ARHGEF26: variants seen among roughly 807,000 people sequenced by gnomAD.
ARHGEF26 encodes Rho guanine nucleotide exchange factor (GEF) 26.
Under a neutral mutation model 89.4 loss-of-function variants are expected in ARHGEF26, and 59 were observed. That is an observed-to-expected ratio of 0.66 (90% confidence interval 0.54 to 0.82). ARHGEF26 has a LOEUF of 0.82. ARHGEF26 is among the 40% of genes least tolerant of loss of function. The probability of loss-of-function intolerance (pLI) is 0.00; values close to 1 mark genes in which losing one functional copy is unlikely to be tolerated. For missense variants in ARHGEF26, 1,234 were observed against 1,085.6 expected, an observed-to-expected ratio of 1.14 and a Z score of -1.92; for synonymous variants, 500 against 428.4, an observed-to-expected ratio of 1.17 and a Z score of -2.06.
chr3:154,204,437 C>T (rs558795762), intron 9 of ARHGEF26, among the ~76,000 whole-genome samples: 4 of 148,204 alleles, frequency 2.7e-5, no homozygotes, highest in Non-Finnish European at 4.4e-5. Context: ...TGAGTACAGG[C>T]GTATCTCATG....
rs1715703959 is a variant in ARHGEF26, at chr3:154,216,019, G to GA, written c.1846-1843dup. Among the ~76,000 whole-genome samples, 5 of 152,086 alleles carry GA rather than the reference G, an allele frequency of 3.3e-5. No individual in the cohort carries two copies. In the South Asian group the frequency reaches 1.0e-3, roughly 32 times the overall value. On this transcript the variant is annotated intron_variant, in intron 9 of 14. Coordinates refer to ENST00000465093, the MANE Select transcript of ARHGEF26 (RefSeq NM_015595.4). The stretch of plus-strand genomic sequence containing the variant: ...ATTTATATGTTCATATATAACATAG[G>GA]AAAAAAAGAGAAAGTGTATGACCCA...
intron 6 of ARHGEF26, among the ~76,000 whole-genome samples, chr3:154,171,629 G>T (rs1263731735): frequency 6.6e-6 from 1 of 151,986 alleles, no homozygotes; most frequent in African/African-American, 2.4e-5. Context: ...TTTGTCCCTT[G>T]TCCCACATAG....
intron 10 of ARHGEF26, among the ~76,000 whole-genome samples, chr3:154,219,710 G>A (rs890536327): frequency 9.9e-5 from 15 of 151,800 alleles, no homozygotes; most frequent in South Asian, 2.1e-4. Flanking sequence ...TCAGGAGATC[G>A]AGACCATCCT....
chr3:154,137,813 T>TAAA (rs35590555), intron 4 of ARHGEF26, among the ~76,000 whole-genome samples: 1 of 139,358 alleles, frequency 7.2e-6, no homozygotes. Flanking sequence ...CCCTATCTCT[T>TAAA]AAAAAAAAAA....
Position 154,186,886 on chromosome 3 carries a change from CTTTTTTTTTTTT to C in ARHGEF26, c.1488-782_1488-771del, listed in dbSNP as rs201150057. On this transcript the variant is annotated intron_variant, in intron 6 of 14. Transcript: ENST00000465093. The stretch of plus-strand genomic sequence containing the variant: ...CATATACTGTTAGATTTATTTCAGA[CTTTTTTTTTTTT>C]TTTTTTTTTTTTTTTTGAGACGGAG... 6.2e-3 allele frequency among the ~76,000 whole-genome samples: 511 copies of C among 82,084 alleles called. 4 individuals carry two copies. The highest frequency in any genetic ancestry group is 9.3e-3 in the Non-Finnish European group (393 of 42,260). The allele number at this position is 82,084 out of a possible 152,430, so 53.9% of individuals were successfully genotyped here.
chr3:154,240,616 A>G (rs1190602632), intron 12 of ARHGEF26, 37 bp downstream of exon 12: 1 of 1,539,996 alleles, frequency 6.5e-7, no homozygotes, highest in Non-Finnish European at 8.8e-7. Flanking sequence ...AATAGCTGAT[A>G]GTATCTCCCT....
At chr3:154,228,139 T>G (rs1716601906) in intron 11 of ARHGEF26, among the ~76,000 whole-genome samples, 1 of 151,212 alleles carries the variant, frequency 6.6e-6, no homozygotes, top group South Asian at 2.1e-4. Context: ...TTTGAGAATT[T>G]TTTTTTTTTT....
chr3:154,241,592 A>G (rs1052753737), intron 12 of ARHGEF26, among the ~76,000 whole-genome samples: 1 of 152,260 alleles, frequency 6.6e-6, no homozygotes, highest in Non-Finnish European at 1.5e-5. Flanking sequence ...CCTTTATGCA[A>G]GGTCATCTTA....
rs770624898 is a variant in ARHGEF26, at chr3:154,122,855, C to T, written c.863C>T (p.Pro288Leu). 3.1e-6 allele frequency: 5 copies of T among 1,612,890 alleles called. No individual in the cohort carries two copies. The highest frequency in any genetic ancestry group is 2.5e-6 in the Non-Finnish European group (3 of 1,179,432). ...AGCATGGTGGAGGGCCTAGGAGGAC[C>T]CCTGGGTCACGCAGGGGAGGAGAGT... The part of the protein sequence containing the change: ...VRSMVEGLGG[P>L]LGHAGEESEV... The change falls in exon 2 of 15, where the codon CCC (proline) becomes CTC (leucine). Residue 288 changes from proline to leucine, a missense_variant. Coordinates refer to ENST00000465093, the MANE Select transcript of ARHGEF26 (RefSeq NM_015595.4).
chr3:154,239,261 GGAGAGA>G (rs869046214), intron 11 of ARHGEF26, among the ~76,000 whole-genome samples: 35 of 105,644 alleles, frequency 3.3e-4, no homozygotes, highest in Admixed American at 5.4e-4. Flanking sequence ...AGAGAGAGAG[GGAGAGA>G]GAGAGAGAGA....
At position 154,225,988 on chromosome 3, in the gene ARHGEF26, C is replaced by G. The variant is rs755017593; in HGVS notation, c.2068C>G (p.Leu690Val). The G allele has an allele frequency of 1.5e-5, 24 of 1,610,896 alleles. No homozygotes were observed. In the South Asian group the frequency reaches 2.7e-4, roughly 18 times the overall value. ...QVYFFLFNDVLIITKKKSEES... is the reference protein window; with the variant it reads ...QVYFFLFNDVVIITKKKSEES... Reference sequence around the variant, plus strand: ...CTACTTCTTTCTCTTTAACGATGTGCTCATTATCACCAAGAAGAAGAGGTA... The same window carrying G: ...CTACTTCTTTCTCTTTAACGATGTGGTCATTATCACCAAGAAGAAGAGGTA... The change falls in exon 11 of 15, where the codon CTC becomes GTC. Residue 690 changes from leucine to valine, a missense_variant. Physicochemically the swap from Leu to Val is conservative, Grantham distance 32. Transcript: ENST00000465093.
intron 9 of ARHGEF26, among the ~76,000 whole-genome samples, chr3:154,201,651 C>A (rs1164206657): frequency 6.6e-6 from 1 of 150,494 alleles, no homozygotes; most frequent in Admixed American, 6.6e-5. Flanking sequence ...TTCTCCACAT[C>A]CTCTCCAGCA....
chr3:154,169,542 C>T (rs930024214), intron 6 of ARHGEF26, among the ~76,000 whole-genome samples: 1 of 152,038 alleles, frequency 6.6e-6, no homozygotes, highest in Non-Finnish European at 1.5e-5. Context: ...AAAGTGATCC[C>T]AAAGCATCGT....
chr3:154,244,352 TACG>T (rs1240302519), intron 12 of ARHGEF26, among the ~76,000 whole-genome samples: 2 of 152,106 alleles, frequency 1.3e-5, no homozygotes, highest in African/African-American at 2.4e-5. Context: ...TGGCTTTGAT[TACG>T]TAAAGAATGC....
In ARHGEF26 at chr3:154,170,809, G is replaced by T. The variant is rs1013694376; in HGVS notation, c.1488-16876G>T. ...CCCAGGATAATTTTAGTTGTGATTA[G>T]CTGCCCCTTTCATTCTCAAAAGATA... On this transcript the variant is annotated intron_variant, in intron 6 of 14. Coordinates refer to ENST00000465093, the MANE Select transcript of ARHGEF26 (RefSeq NM_015595.4). Among the ~76,000 whole-genome samples the T allele has an allele frequency of 3.9e-5, 6 of 152,250 alleles. No individual in the cohort carries two copies. The South Asian group carries it at 1.2e-3, about 32-fold the overall frequency.
chr3:154,196,969 AT>A (rs1000541085), intron 9 of ARHGEF26, among the ~76,000 whole-genome samples: 60 of 152,198 alleles, frequency 3.9e-4, no homozygotes, highest in African/African-American at 1.3e-3. Flanking sequence ...ATGTTACTTA[AT>A]TTTTTTCAAG....
At chr3:154,131,823 GC>G (rs1718698910) in intron 4 of ARHGEF26, among the ~76,000 whole-genome samples, 2 of 152,136 alleles carry the variant, frequency 1.3e-5, no homozygotes, top group South Asian at 4.1e-4. Flanking sequence ...CTGGAGTTTG[GC>G]TTTCATATAC....
chr3:154,253,747 T>C (rs1441238658), intron 13 of ARHGEF26, among the ~76,000 whole-genome samples: 1 of 152,154 alleles, frequency 6.6e-6, no homozygotes, highest in Non-Finnish European at 1.5e-5. Context: ...GCTTCCTAAC[T>C]TTGATGCTGT....
chr3:154,157,908 A>G lies in ARHGEF26; in HGVS notation c.1487+4976A>G, dbSNP rs571860288. ...AGAAAAATCTTCAGTAGGGATGTCA[A>G]TTTGAGTCACAGAGGTGGTTCTTGT... On this transcript the variant is annotated intron_variant, in intron 6 of 14. Coordinates refer to ENST00000465093, the MANE Select transcript of ARHGEF26 (RefSeq NM_015595.4). Among the ~76,000 whole-genome samples the G allele has an allele frequency of 3.9e-4, 60 of 152,258 alleles. No individual in the cohort carries two copies. The South Asian group carries it at 4.1e-3, about 11-fold the overall frequency.
Sources: allele counts gnomAD v4.1 joint callset (sites outside exome capture counted in the v4.1 genomes callset), GRCh38; gene constraint gnomAD v4.1.1; transcripts MANE v1.5; gene names NCBI Gene and HGNC (gene_info 2026-07-23, HGNC 2026-07-21).